The following CFI variants were observed in gnomAD, a reference collection of about 807,000 sequenced individuals.
CFI encodes the protein complement factor I.
A neutral mutation model predicts 78.8 loss-of-function variants in CFI; 66 were observed. The observed-to-expected ratio is 0.84, with a 90% CI of 0.69 to 1.03. The LOEUF is 1.03. Among genes scored for constraint, CFI ranks in the 50% least tolerant of loss-of-function variants. The probability of loss-of-function intolerance (pLI) is 0.00; values close to 1 mark genes in which losing one functional copy is unlikely to be tolerated. For synonymous variants in CFI, 250 were observed against 232.6 expected (o/e 1.07, Z -0.68); for missense variants, 706 against 704.5 (o/e 1.00, Z -0.02).
intron 8 of CFI, among the ~76,000 whole-genome samples, chr4:109,751,311 T>C (rs1044821064): frequency 6.6e-6 from 1 of 151,976 alleles, no homozygotes. Flanking sequence ...GGAAGAGGGA[T>C]CTCATGCTCT....
At chr4:109,763,996 T>C (rs2126219854) in intron 3 of CFI, among the ~76,000 whole-genome samples, 1 of 148,600 alleles carries the variant, frequency 6.7e-6, no homozygotes, top group East Asian at 1.9e-4. Flanking sequence ...ACTATAATTA[T>C]AGTATATAAG....
At position 109,752,949 on chromosome 4, in the gene CFI, T is replaced by TTATGTG. The variant is rs1561291934; in HGVS notation, c.905-447_905-446insCACATA. Among the ~76,000 whole-genome samples the TTATGTG allele has an allele frequency of 5.7e-4, 37 of 64,432 alleles. 1 individual carries two copies. Among genetic ancestry groups the TTATGTG allele is most frequent in the Non-Finnish European group, 1.1e-3 (34 of 32,110 alleles). 42.3% of individuals were successfully genotyped at this position (64,432 alleles called of 152,430 possible). On this transcript the variant is annotated intron_variant, in intron 7 of 12. Coordinates refer to ENST00000394634, the MANE Select transcript of CFI (RefSeq NM_000204.5). ...TATTTATTATATAAATAAATATTTA[T>TTATGTG]AATACATATTTATTATATATTTATT...
chr4:109,734,287 C>A, the CFI span, among the ~76,000 whole-genome samples: 251 of 152,188 alleles, frequency 1.6e-3, no homozygotes, highest in African/African-American at 5.7e-3. Flanking sequence ...AGAACAAAGG[C>A]GCTTAAGAAG....
intron 6 of CFI, chr4:109,758,054 T>G (rs1726547905): frequency 1.1e-6 from 1 of 923,220 alleles, no homozygotes; most frequent in East Asian, 2.8e-5. Flanking sequence ...TAGTACAACT[T>G]AATAGTTAGA....
intron 10 of CFI, among the ~76,000 whole-genome samples, chr4:109,748,538 G>C (rs1171494305): frequency 6.6e-6 from 1 of 152,198 alleles, no homozygotes; most frequent in African/African-American, 2.4e-5. Context: ...AGTGAAGATT[G>C]AGCTGAGATC....
chr4:109,764,894 A>G (rs971215382), intron 2 of CFI, among the ~76,000 whole-genome samples: 4 of 152,182 alleles, frequency 2.6e-5, no homozygotes, highest in African/African-American at 9.7e-5. Flanking sequence ...GAGGATCATT[A>G]AATACTCACA....
chr4:109,757,653 A>G lies in CFI; in HGVS notation c.904+110T>C, dbSNP rs554741059. 64 of 704,078 alleles carry G rather than the reference A, an allele frequency of 9.1e-5. 1 individual carries two copies. The South Asian group carries it at 1.1e-3, about 12-fold the overall frequency. The allele number at this position is 704,078 out of a possible 1,614,324, so 43.6% of individuals were successfully genotyped here. A position where few individuals can be genotyped will look rare whatever the true frequency, so the allele number is the denominator to read the frequency against. ...CTAATGTTCAGGCTGGGTTATTACT[A>G]AAATGTGGTCATATCATGCTCCATT... On this transcript the variant is annotated intron_variant, in intron 7 of 12. Transcript: ENST00000394634.
intron 10 of CFI, among the ~76,000 whole-genome samples, chr4:109,748,917 A>G (rs891288012): frequency 1.3e-5 from 2 of 152,168 alleles, no homozygotes; most frequent in Non-Finnish European, 2.9e-5. Flanking sequence ...GTGGAGAACA[A>G]AATGTAAGTA....
At chr4:109,743,210 A>AT (rs528511278) in intron 11 of CFI, among the ~76,000 whole-genome samples, 409 of 149,990 alleles carry the variant, frequency 2.7e-3, no homozygotes, top group Non-Finnish European at 3.6e-3. Context: ...GAAGGAGTTT[A>AT]TTTTTTTTTT....
intron 1 of CFI, among the ~76,000 whole-genome samples, chr4:109,769,695 C>T (rs187848316): frequency 6.6e-6 from 1 of 152,318 alleles, no homozygotes. Flanking sequence ...GTCTTCTCAG[C>T]TCCAGTATCC....
chr4:109,762,349 C>T (rs1051064107), intron 3 of CFI: 22 of 152,414 alleles, frequency 1.4e-4, no homozygotes, highest in African/African-American at 4.8e-4. Context: ...CAGTAAGCTA[C>T]ATCTTCACTT....
chr4:109,791,126 T>A (rs1731326975), intron 1 of CFI, among the ~76,000 whole-genome samples: 1 of 152,210 alleles, frequency 6.6e-6, no homozygotes, highest in Admixed American at 6.5e-5. Context: ...TTTGGACTTT[T>A]TAATAGTGCC....
the CFI span, among the ~76,000 whole-genome samples, chr4:109,734,190 T>A: frequency 5.9e-5 from 9 of 151,348 alleles, no homozygotes; most frequent in African/African-American, 1.5e-4. Flanking sequence ...AATAAATAAA[T>A]AACATGGGAC....
rs1356348481 is a variant in CFI at position 109,746,413 on chromosome 4, T to C, written c.1238A>G (p.Asp413Gly). Residue 413 changes from aspartate to glycine, a missense_variant, in exon 11 of 13, where the codon GAT becomes GGT. Coordinates refer to ENST00000394634, the MANE Select transcript of CFI (RefSeq NM_000204.5). ...DLKRIVIEYV[D>G]RIIFHENYNA... ...GTAGTTTTCATGGAAAATAATTCTA[T>C]CCACGTATTCAATTACTATACGTTT... 6.2e-7 allele frequency: 1 copy of C among 1,614,052 alleles called. No homozygotes were observed. Among genetic ancestry groups the C allele is most frequent in the Non-Finnish European group, 8.5e-7 (1 of 1,179,974 alleles).
the CFI span, among the ~76,000 whole-genome samples, chr4:109,732,584 G>A: frequency 6.6e-6 from 1 of 152,132 alleles, no homozygotes; most frequent in Non-Finnish European, 1.5e-5. Context: ...ATGGCCGGGT[G>A]CGGTGGCTCA....
intron 1 of CFI, among the ~76,000 whole-genome samples, chr4:109,793,123 A>T (rs1422833013): frequency 6.6e-6 from 1 of 151,718 alleles, no homozygotes; most frequent in African/African-American, 2.4e-5. Flanking sequence ...CCTTCTGTGT[A>T]TATTTTTTAG....
rs1336526712 is a variant in CFI at position 109,766,185 on chromosome 4, A to G, written c.328+369T>C. On this transcript the variant is annotated intron_variant, in intron 2 of 12. Coordinates refer to ENST00000394634, the MANE Select transcript of CFI (RefSeq NM_000204.5). ...GGAGGACCTGAGGCCTGACTAGACT[A>G]CATGTGAGTACCAACCTTACTGGAA... Among the ~76,000 whole-genome samples, 4 of 152,122 alleles carry G rather than the reference A, an allele frequency of 2.6e-5. No homozygotes were observed. The East Asian group carries it at 7.7e-4, about 29-fold the overall frequency.
At chr4:109,744,510 G>C (rs1724179837) in intron 11 of CFI, among the ~76,000 whole-genome samples, 1 of 152,158 alleles carries the variant, frequency 6.6e-6, no homozygotes, top group South Asian at 2.1e-4. Flanking sequence ...GAAAGAGGTA[G>C]GCTAGTGAGA....
At chr4:109,760,787 G>A (rs1726958704) in intron 4 of CFI, 151 bp from the exon 5 acceptor site, 1 of 651,652 alleles carries the variant, frequency 1.5e-6, no homozygotes, top group Non-Finnish European at 2.8e-6. Flanking sequence ...TAGTACATAT[G>A]ACTCATACAG....
Sources: gnomAD v4.1 joint callset for allele counts (sites outside exome capture counted in the v4.1 genomes callset) on GRCh38, gnomAD v4.1.1 for gene constraint, MANE v1.5 for transcripts, NCBI Gene and HGNC (gene_info 2026-07-23, HGNC 2026-07-21) for gene names.